Variants in NADK observed in about 807,000 individuals in gnomAD.
NADK encodes the protein poly(P)/ATP NAD kinase.
In NADK, 22 loss-of-function variants were observed where a neutral mutation model predicts 49.8. The ratio of observed to expected loss-of-function variants is 0.44; its 90% confidence interval spans 0.32 to 0.63. The LOEUF is 0.63. Among genes scored for constraint, NADK ranks in the 30% least tolerant of loss-of-function variants. NADK has a pLI of 0.06. For synonymous variants in NADK, 268 were observed against 253.7 expected (o/e 1.06, Z -0.54); for missense variants, 438 against 609.4 (o/e 0.72, Z 2.96).
chr1:1,757,038 C>T, intron 4 of NADK, 143 bp downstream of exon 4: 2 of 1,277,842 alleles, frequency 1.6e-6, no homozygotes, highest in Non-Finnish European at 1.1e-6. Flanking sequence ...CCCGGCAGAT[C>T]CCCACTCAGT....
intron 3 of NADK, chr1:1,758,271 AC>A: frequency 7.0e-7 from 1 of 1,418,526 alleles, no homozygotes; most frequent in Non-Finnish European, 9.5e-7. Flanking sequence ...TCCCACTAAC[AC>A]CCCCAGAACC....
chr1:1,772,899 G>A (rs893478637), intron 1 of NADK, among the ~76,000 whole-genome samples: 14 of 151,722 alleles, frequency 9.2e-5, no homozygotes, highest in Non-Finnish European at 1.5e-4. Flanking sequence ...AAATCAGCCC[G>A]GCGTGGTGGC....
chr1:1,756,007 A>G (rs1236407563), intron 6 of NADK: 7 of 579,536 alleles, frequency 1.2e-5, no homozygotes, highest in Non-Finnish European at 2.2e-5. Flanking sequence ...CCCAGGACCC[A>G]CCACCCTGCG....
chr1:1,756,599 T>C lies in NADK; in HGVS notation c.403A>G (p.Ile135Val), dbSNP rs1197534818. The change falls in exon 5 of 12, where the codon ATC becomes GTC. Residue 135 changes from isoleucine to valine, a missense_variant. Transcript: ENST00000341426. ...AGCACTTTCTTTTCCACATACACGA[T>C]CATGTTCTCCTGGAAGCAAAGTGCC... ...LCTHLMEENM[I>V]VYVEKKVLED... The C allele has an allele frequency of 6.2e-7, 1 of 1,614,012 alleles. No homozygotes were observed.
chr1:1,766,996 C>T (rs558704563), intron 1 of NADK, among the ~76,000 whole-genome samples: 51 of 151,910 alleles, frequency 3.4e-4, no homozygotes, highest in Non-Finnish European at 6.6e-4. Context: ...CTCACTGCAA[C>T]GTCTGCTTCC....
intron 3 of NADK, chr1:1,761,721 T>G (rs1483418035): frequency 2.2e-6 from 1 of 447,624 alleles, no homozygotes; most frequent in Non-Finnish European, 4.1e-6. Context: ...GAGCCCCCGC[T>G]CGGATGCCTG....
rs33953907 is a variant in NADK at position 1,776,772 on chromosome 1, TAAAA to T, written c.-41+1513_-41+1516del. 1.5e-4 allele frequency among the ~76,000 whole-genome samples: 17 copies of T among 117,066 alleles called. No individual in the cohort carries two copies. In the East Asian group the frequency reaches 1.7e-3, roughly 12 times the overall value. 76.8% of individuals were successfully genotyped at this position (117,066 alleles called of 152,430 possible). On this transcript the variant is annotated intron_variant, in intron 1 of 11. Coordinates refer to ENST00000341426, the MANE Select transcript of NADK (RefSeq NM_023018.5). Reference sequence around the variant, plus strand: ...TGGGCAACAGAGCTAGACTCTGTCTTAAAAAAAAAAAAAAAAAAAAAAGACTGGT... The same window carrying T: ...TGGGCAACAGAGCTAGACTCTGTCTTAAAAAAAAAAAAAAAAAAGACTGGT...
At chr1:1,769,014 A>G (rs1470141865) in intron 1 of NADK, among the ~76,000 whole-genome samples, 1 of 152,244 alleles carries the variant, frequency 6.6e-6, no homozygotes, top group African/African-American at 2.4e-5. Context: ...GAATGATCAG[A>G]ACCTGAAGGT....
At chr1:1,775,304 T>A (rs1381113261) in intron 1 of NADK, among the ~76,000 whole-genome samples, 2 of 152,120 alleles carry the variant, frequency 1.3e-5, no homozygotes, top group Admixed American at 1.3e-4. Context: ...TTCGTTCCCA[T>A]GTAAGAACTC....
rs768896063 is a variant in NADK, at chr1:1,758,381, T to C, written c.264-1071A>G. 2.5e-6 allele frequency: 4 copies of C among 1,610,456 alleles called. No individual in the cohort carries two copies. In the South Asian group the frequency reaches 4.4e-5, roughly 18 times the overall value. The stretch of plus-strand genomic sequence containing the variant: ...AGCACTCACCCTGTGCAGGCATTAC[T>C]GGGAGGCGTGGGGTCACTCATGCCA... On this transcript the variant is annotated intron_variant, in intron 3 of 11. Coordinates refer to ENST00000341426, the MANE Select transcript of NADK (RefSeq NM_023018.5).
intron 1 of NADK, 55 bp from the exon 2 acceptor site, chr1:1,765,501 A>G (rs747151030): frequency 1.5e-5 from 14 of 923,092 alleles, no homozygotes; most frequent in Non-Finnish European, 2.1e-5. Context: ...GTATGAAACA[A>G]TAATAATTTA....
chr1:1,774,704 G>C (rs1646160696), intron 1 of NADK, among the ~76,000 whole-genome samples: 1 of 152,176 alleles, frequency 6.6e-6, no homozygotes, highest in African/African-American at 2.4e-5. Context: ...GGGTGAGTCA[G>C]GACTGACACT....
rs61141524 is a variant in NADK, at chr1:1,773,729, T to TGA, written c.-41+4558_-41+4559dup. Among the ~76,000 whole-genome samples, 35 of 129,054 alleles carry TGA rather than the reference T, an allele frequency of 2.7e-4. 1 individual carries two copies. Among genetic ancestry groups the TGA allele is most frequent in the South Asian group, 2.2e-3 (8 of 3,718 alleles). The allele number at this position is 129,054 out of a possible 152,430, so 84.7% of individuals were successfully genotyped here. A position where few individuals can be genotyped will look rare whatever the true frequency, so the allele number is the denominator to read the frequency against. On this transcript the variant is annotated intron_variant, in intron 1 of 11. Transcript: ENST00000341426. ...GTGTGTGTGTGTGTGTGTGTGTGTG[T>TGA]GAGAGAGAGAGAGAAATAGAGATAT...
At chr1:1,759,671 G>A (rs950783484) in intron 3 of NADK, 40 of 1,504,088 alleles carry the variant, frequency 2.7e-5, no homozygotes, top group Non-Finnish European at 1.8e-5. Flanking sequence ...GCCCAGAGGG[G>A]GCGTGCTCCC....
At chr1:1,769,842 C>T (rs763234357) in intron 1 of NADK, among the ~76,000 whole-genome samples, 9 of 152,098 alleles carry the variant, frequency 5.9e-5, no homozygotes, top group South Asian at 2.1e-4. Context: ...TTTGGGAAGC[C>T]GAGGTGGGTG....
Position 1,753,463 on chromosome 1 carries a change from C to T in NADK, c.1184+104G>A, listed in dbSNP as rs1248721720. 6.6e-6 allele frequency: 6 copies of T among 912,048 alleles called. No individual in the cohort carries two copies. In the African/African-American group the frequency reaches 8.3e-5, roughly 13 times the overall value. The allele number at this position is 912,048 out of a possible 1,614,324, so 56.5% of individuals were successfully genotyped here. A position where few individuals can be genotyped will look rare whatever the true frequency, so the allele number is the denominator to read the frequency against. ...CCAGGGACTCAGGCCCTGTGGTGCC[C>T]TAGGGGACAAGCTGTGTCTACAGGC... On this transcript the variant is annotated intron_variant, in intron 11 of 11. Transcript: ENST00000341426.
rs1645343899 is a variant in NADK at position 1,752,100 on chromosome 1, A to G, written c.*804T>C. ...CCCTGAGGACAGCGTCTTGCAGAAC[A>G]TAAATGTAAACATTGAATGGCAGAC... On this transcript the variant is annotated 3_prime_UTR_variant, in exon 12 of 12. Transcript: ENST00000341426. The G allele has an allele frequency of 6.6e-6, 1 of 152,312 alleles. No homozygotes were observed. The highest frequency in any genetic ancestry group is 2.4e-5 in the African/African-American group (1 of 41,402). The allele number at this position is 152,312 out of a possible 1,614,324, so 9.4% of individuals were successfully genotyped here.
chr1:1,766,112 T>C (rs1028274007), intron 1 of NADK, among the ~76,000 whole-genome samples: 1 of 150,942 alleles, frequency 6.6e-6, no homozygotes, highest in Non-Finnish European at 1.5e-5. Context: ...AAAAAAAAAA[T>C]TAGCCGGGCA....
chr1:1,777,880 C>T (rs139284416), intron 1 of NADK, among the ~76,000 whole-genome samples: 6 of 152,336 alleles, frequency 3.9e-5, no homozygotes, highest in African/African-American at 1.4e-4. Context: ...ATCTTTTATT[C>T]ATACTTTCCC....
Sources: allele counts gnomAD v4.1 joint callset (sites outside exome capture counted in the v4.1 genomes callset), GRCh38; gene constraint gnomAD v4.1.1; transcripts MANE v1.5; gene names NCBI Gene and HGNC (gene_info 2026-07-23, HGNC 2026-07-21).